TBC1D1: variants seen among roughly 807,000 people sequenced by gnomAD.
TBC1D1 encodes TBC1 domain family member 1, also known as TBC1 (tre-2/USP6, BUB2, cdc16) domain family, member 1.
Under a neutral mutation model 125.6 loss-of-function variants are expected in TBC1D1, and 89 were observed. The ratio of observed to expected loss-of-function variants is 0.71; its 90% CI spans 0.60 to 0.85. The LOEUF (loss-of-function observed/expected upper bound fraction) is 0.85. TBC1D1 is among the 40% of genes least tolerant of loss of function. The probability of loss-of-function intolerance (pLI) is 0.00; values close to 1 mark genes in which losing one functional copy is unlikely to be tolerated. For synonymous variants in TBC1D1, 565 were observed against 564.1 expected (o/e 1.00, Z -0.02); for missense variants, 1,377 against 1,469.2 (o/e 0.94, Z 1.03).
At chr4:37,951,923 T>C (rs879566245) in intron 2 of TBC1D1, 35 of 714,352 alleles carry the variant, frequency 4.9e-5, no homozygotes, top group Non-Finnish European at 8.4e-5. Flanking sequence ...ACTTTTACCA[T>C]GTCCCTCCCT....
intron 12 of TBC1D1, among the ~76,000 whole-genome samples, chr4:38,075,578 C>T (rs926111370): frequency 3.9e-5 from 6 of 152,280 alleles, no homozygotes; most frequent in South Asian, 2.1e-4. Flanking sequence ...CCCTCTCCTC[C>T]GCAAAGCACA....
At chr4:38,117,217 T>C (rs1361002912) in intron 16 of TBC1D1, among the ~76,000 whole-genome samples, 1 of 152,256 alleles carries the variant, frequency 6.6e-6, no homozygotes, top group African/African-American at 2.4e-5. Context: ...TTTTGTTTTC[T>C]TTCTCTCAGT....
chr4:38,028,712 G>A (rs1234192016), intron 7 of TBC1D1, among the ~76,000 whole-genome samples: 1 of 152,216 alleles, frequency 6.6e-6, no homozygotes, highest in Non-Finnish European at 1.5e-5. Flanking sequence ...GCCTCAGGCT[G>A]GGAGACAGAA....
chr4:37,959,139 C>T (rs1284700327), intron 2 of TBC1D1, among the ~76,000 whole-genome samples: 1 of 152,142 alleles, frequency 6.6e-6, no homozygotes, highest in African/African-American at 2.4e-5. Flanking sequence ...AATAAACAGG[C>T]ACAGTTGACC....
At chr4:37,898,828 A>T (rs1715203409) in intron 1 of TBC1D1, among the ~76,000 whole-genome samples, 1 of 152,214 alleles carries the variant, frequency 6.6e-6, no homozygotes, top group Non-Finnish European at 1.5e-5. Context: ...CAGGGATTAT[A>T]TTCTGAGGAG....
intron 12 of TBC1D1, among the ~76,000 whole-genome samples, 154 bp from the exon 15 acceptor site, chr4:38,089,778 G>A (rs1056414121): frequency 6.6e-6 from 1 of 152,154 alleles, no homozygotes; most frequent in Non-Finnish European, 1.5e-5. Context: ...GCTCAGACGT[G>A]GCTTATGCCA....
intron 13 of TBC1D1, among the ~76,000 whole-genome samples, chr4:38,094,591 C>G (rs1759002342): frequency 1.3e-5 from 2 of 152,180 alleles, no homozygotes; most frequent in African/African-American, 2.4e-5. Flanking sequence ...ACGGAAACAG[C>G]AGGATGTTTG....
intron 2 of TBC1D1, chr4:37,960,588 G>C (rs1480197414): frequency 6.2e-7 from 1 of 1,614,150 alleles, no homozygotes; most frequent in Admixed American, 1.7e-5. Context: ...AACATACGAT[G>C]CTCCATCAGC....
At chr4:38,080,671 C>T (rs1350846371) in intron 12 of TBC1D1, among the ~76,000 whole-genome samples, 1 of 152,112 alleles carries the variant, frequency 6.6e-6, no homozygotes, top group Non-Finnish European at 1.5e-5. Flanking sequence ...TCCCACCCCT[C>T]CTCACCCCGA....
rs73142174 is a variant in TBC1D1, at chr4:37,950,198, C to T, written c.417+47686C>T. Among the ~76,000 whole-genome samples the T allele has an allele frequency of 3.6e-3, 544 of 152,196 alleles. 2 individuals carry two copies. Among genetic ancestry groups the T allele is most frequent in the African/African-American group, 0.012 (511 of 41,548 alleles). On this transcript the variant is annotated intron_variant, in intron 2 of 19. Transcript: ENST00000261439. ...CAGAGGCTGTGGCGTGAGTCTGAGGCGCAGTTCTGCACCTGAATGACCCTG... is the reference window on the plus strand; with the variant it reads ...CAGAGGCTGTGGCGTGAGTCTGAGGTGCAGTTCTGCACCTGAATGACCCTG...
chr4:37,963,875 C>T (rs1273333278), intron 2 of TBC1D1, among the ~76,000 whole-genome samples: 1 of 152,202 alleles, frequency 6.6e-6, no homozygotes, highest in Non-Finnish European at 1.5e-5. Flanking sequence ...CTTTTTCCCC[C>T]CAATGGCTCA....
intron 2 of TBC1D1, among the ~76,000 whole-genome samples, chr4:38,011,755 T>C (rs1252207823): frequency 6.6e-6 from 1 of 152,234 alleles, no homozygotes; most frequent in Non-Finnish European, 1.5e-5. Flanking sequence ...CTAAAGTGTG[T>C]CTTTTTAAGA....
intron 2 of TBC1D1, among the ~76,000 whole-genome samples, chr4:38,007,582 T>C (rs1237903268): frequency 6.6e-6 from 1 of 152,216 alleles, no homozygotes; most frequent in Non-Finnish European, 1.5e-5. Flanking sequence ...TTATTTGAAA[T>C]GCACCCTGTA....
intron 12 of TBC1D1, among the ~76,000 whole-genome samples, chr4:38,083,414 GTTCTT>G (rs1186603504): frequency 6.6e-6 from 1 of 152,112 alleles, no homozygotes; most frequent in Admixed American, 6.5e-5. Flanking sequence ...GTTTATGCTG[GTTCTT>G]TACCTAAAGT....
intron 2 of TBC1D1, among the ~76,000 whole-genome samples, chr4:38,006,004 CTTGTA>C (rs1429638419): frequency 2.6e-5 from 4 of 152,294 alleles, no homozygotes; most frequent in South Asian, 2.1e-4. Flanking sequence ...TCTTTGTCCA[CTTGTA>C]TTGTATGTGA....
intron 2 of TBC1D1, among the ~76,000 whole-genome samples, chr4:37,933,091 A>G (rs1050226805): frequency 6.6e-6 from 1 of 151,958 alleles, no homozygotes; most frequent in Non-Finnish European, 1.5e-5. Context: ...CTTATATTAG[A>G]ATGTTGCATT....
At chr4:37,978,984 C>A (rs904129460) in intron 2 of TBC1D1, among the ~76,000 whole-genome samples, 1 of 152,206 alleles carries the variant, frequency 6.6e-6, no homozygotes, top group Non-Finnish European at 1.5e-5. Context: ...TCAAGCGATT[C>A]TTGTGTCTCA....
chr4:38,104,400 C>T (rs1415947606), intron 15 of TBC1D1, among the ~76,000 whole-genome samples: 1 of 152,180 alleles, frequency 6.6e-6, no homozygotes, highest in Non-Finnish European at 1.5e-5. Context: ...CCTGACTTGT[C>T]AGTGGCCATG....
chr4:37,949,696 T>C (rs1727439455), intron 2 of TBC1D1, among the ~76,000 whole-genome samples: 1 of 152,248 alleles, frequency 6.6e-6, no homozygotes. Flanking sequence ...CAGCAAACTT[T>C]TGCTCTTAGG....
Sources: allele counts gnomAD v4.1 joint callset (sites outside exome capture counted in the v4.1 genomes callset), GRCh38; gene constraint gnomAD v4.1.1; transcripts MANE v1.5; gene names NCBI Gene and HGNC (gene_info 2026-07-23, HGNC 2026-07-21).